Variants in CDK2AP1 observed in about 807,000 individuals in gnomAD.
CDK2AP1 encodes the protein cyclin dependent kinase 2 associated protein 1.
Under a neutral mutation model 14.1 loss-of-function variants are expected in CDK2AP1, and 10 were observed. That is an observed-to-expected ratio of 0.71 (90% CI 0.44 to 1.20). The LOEUF is 1.20. CDK2AP1 is among the 50% of genes most tolerant of loss of function. The probability of loss-of-function intolerance (pLI) is 0.00; values close to 1 mark genes in which losing one functional copy is unlikely to be tolerated. For synonymous variants in CDK2AP1, 59 were observed against 59.8 expected (o/e 0.99, Z 0.06); for missense variants, 102 against 149.9 (o/e 0.68, Z 1.67).
chr12:123,270,748 GGCTTCTGCATCGAGGGCCTTCCA>G, intron 1 of CDK2AP1: 1 of 807,684 alleles, frequency 1.2e-6, no homozygotes, highest in Middle Eastern at 6.2e-4. Context: ...AGCCCCTCCC[GGCTTCTGCATCGAGGGCCTTCCA>G]GGGCCAGCCC....
intron 3 of CDK2AP1, 160 bp from the exon 4 acceptor site, chr12:123,261,963 C>T (rs4759417): frequency 0.73 from 422,244 of 574,530 alleles, 163,604 homozygotes; most frequent in East Asian, 1. Context: ...CCCTGAAGGA[C>T]GCTAACAATC....
chr12:123,271,663 G>C lies in CDK2AP1; in HGVS notation c.-45C>G. 1.2e-6 allele frequency: 1 copy of C among 861,640 alleles called. No homozygotes were observed. The highest frequency in any genetic ancestry group is 1.8e-5 in the African/African-American group (1 of 54,240). 53.4% of individuals were successfully genotyped at this position (861,640 alleles called of 1,614,324 possible). The stretch of plus-strand genomic sequence containing the variant: ...GCCGGGCGCGGCGGGGCCAGGCCGC[G>C]AGGGCGGCGGCGGCGGCGGCGAGGC... On this transcript the variant is annotated 5_prime_UTR_variant, in exon 1 of 4. Transcript: ENST00000261692.
chr12:123,262,525 C>T (rs2048244234), intron 3 of CDK2AP1: 1 of 152,218 alleles, frequency 6.6e-6, no homozygotes, highest in African/African-American at 2.4e-5. Flanking sequence ...CTGTGAGGAC[C>T]AGACAGCAAA....
At chr12:123,266,668 G>T (rs547337699) in intron 2 of CDK2AP1, among the ~76,000 whole-genome samples, 1 of 152,202 alleles carries the variant, frequency 6.6e-6, no homozygotes, top group Non-Finnish European at 1.5e-5. Context: ...GTTACCAAGT[G>T]GGGGGTCACA....
rs1234438010 is a variant in CDK2AP1 at position 123,265,793 on chromosome 12, A to C, written c.154-471T>G. ...AGGGGAAACAGCTCATTTTGGCACA[A>C]AAGAGTCCAAACAGCATTTCCCAGG... On this transcript the variant is annotated intron_variant, in intron 2 of 3. Transcript: ENST00000261692. This position sits in a 1 kb window ranked among gnomAD's most constrained non-coding sequence, Gnocchi z 5.3. Among the ~76,000 whole-genome samples the C allele has an allele frequency of 6.6e-6, 1 of 152,196 alleles. No homozygotes were observed. The highest frequency in any genetic ancestry group is 1.5e-5 in the Non-Finnish European group (1 of 68,022).
Position 123,267,171 on chromosome 12 carries a change from C to A in CDK2AP1, c.153+14G>T. 9.5e-6 allele frequency: 14 copies of A among 1,467,700 alleles called. No homozygotes were observed. Among genetic ancestry groups the A allele is most frequent in the Non-Finnish European group, 1.3e-5 (14 of 1,046,580 alleles). 90.9% of individuals were successfully genotyped at this position (1,467,700 alleles called of 1,614,324 possible). Reference sequence around the variant, plus strand: ...CCTGGCCCTCCCACCATGCCATCACCCCCATTGACATACCTGGGTGTAGCC... The same window carrying A: ...CCTGGCCCTCCCACCATGCCATCACACCCATTGACATACCTGGGTGTAGCC... On this transcript the variant is annotated intron_variant, in intron 2 of 3. Coordinates refer to ENST00000261692, the MANE Select transcript of CDK2AP1 (RefSeq NM_004642.4).
At chr12:123,267,073 T>G (rs1227892454) in intron 2 of CDK2AP1, 112 bp downstream of exon 2, 2 of 746,242 alleles carry the variant, frequency 2.7e-6, no homozygotes, top group East Asian at 5.1e-5. Context: ...CTGAGAAAGC[T>G]CCGTCCCATC....
At chr12:123,270,923 C>G (rs1463714739) in intron 1 of CDK2AP1, 6 of 985,188 alleles carry the variant, frequency 6.1e-6, no homozygotes, top group Non-Finnish European at 7.2e-6. Flanking sequence ...TGGGGTAGCC[C>G]CTGCTCCCAC....
intron 3 of CDK2AP1, among the ~76,000 whole-genome samples, chr12:123,264,976 C>T (rs2048274737): frequency 6.6e-6 from 1 of 152,100 alleles, no homozygotes; most frequent in Admixed American, 6.5e-5. Context: ...CTGCCCTTCC[C>T]AGAAGACCCC....
chr12:123,268,326 G>A (rs190025159), intron 1 of CDK2AP1: 115 of 709,792 alleles, frequency 1.6e-4, no homozygotes, highest in Non-Finnish European at 1.9e-4. Flanking sequence ...GTGAGGGGAG[G>A]GGCAGAGGAG....
chr12:123,271,441 G>A (rs1238991527), intron 1 of CDK2AP1, 123 bp downstream of exon 1: 2 of 351,158 alleles, frequency 5.7e-6, no homozygotes, highest in Non-Finnish European at 7.9e-6. Context: ...GCTGCCCCGG[G>A]CCGGGACCCT....
chr12:123,262,865 T>A (rs1399792910), intron 3 of CDK2AP1, among the ~76,000 whole-genome samples: 1 of 152,024 alleles, frequency 6.6e-6, no homozygotes, highest in African/African-American at 2.4e-5. Flanking sequence ...TATGAACACT[T>A]AAGTCTGAAT....
At chr12:123,267,111 A>G in intron 2 of CDK2AP1, 74 bp downstream of exon 2, 1 of 926,232 alleles carries the variant, frequency 1.1e-6, no homozygotes, top group Non-Finnish European at 1.8e-6. Flanking sequence ...TCTTCCACCA[A>G]CTTCTCTCCT....
At chr12:123,270,960 C>G in intron 1 of CDK2AP1, 1 of 984,930 alleles carries the variant, frequency 1.0e-6, no homozygotes, top group Non-Finnish European at 1.2e-6. Context: ...CCCGGGCCTC[C>G]GAGTACGCTG....
intron 3 of CDK2AP1, among the ~76,000 whole-genome samples, chr12:123,264,462 C>CAAAAAAAAAAA (rs1167157405): frequency 0.017 from 1,160 of 69,760 alleles, 34 homozygotes; most frequent in Non-Finnish European, 0.02. Flanking sequence ...CTCCGTCTCC[C>CAAAAAAAAAAA]AAAAAAAAAA....
chr12:123,265,181 C>T lies in CDK2AP1; in HGVS notation c.280+15G>A, dbSNP rs377195582. ...AGCACTGTGGTCACCGACAGGGCAG[C>T]GGGGCCGGGCTTACCGCGCTTCAGC... On this transcript the variant is annotated intron_variant, in intron 3 of 3. Coordinates refer to ENST00000261692, the MANE Select transcript of CDK2AP1 (RefSeq NM_004642.4). This position sits in a 1 kb window ranked among gnomAD's most constrained non-coding sequence, Gnocchi z 5.3. 88 of 1,613,688 alleles carry T rather than the reference C, an allele frequency of 5.5e-5. No individual in the cohort carries two copies. The highest frequency in any genetic ancestry group is 7.1e-5 in the Non-Finnish European group (84 of 1,179,794).
chr12:123,264,455 C>A (rs1457960997), intron 3 of CDK2AP1, among the ~76,000 whole-genome samples: 2 of 63,432 alleles, frequency 3.2e-5, no homozygotes, highest in Non-Finnish European at 6.1e-5. Context: ...AGTAAAACTC[C>A]GTCTCCCAAA....
intron 3 of CDK2AP1, 93 bp from the exon 4 acceptor site, chr12:123,261,896 G>T (rs987507628): frequency 2.3e-6 from 2 of 867,368 alleles, no homozygotes; most frequent in Non-Finnish European, 2.0e-6. Context: ...TCCTTCCACA[G>T]CCTGTCCACA....
At chr12:123,271,921 C>G (rs1404333928), upstream of CDK2AP1, 1 of 146,378 alleles carries the variant, frequency 6.8e-6, no homozygotes, top group African/African-American at 2.4e-5. Flanking sequence ...GCGGCTCCGC[C>G]TGCGGCCGCG....
Sources: gnomAD v4.1 joint callset for allele counts (sites outside exome capture counted in the v4.1 genomes callset) on GRCh38, gnomAD v4.1.1 for gene constraint, Gnocchi (gnomAD v3.1) non-coding constraint, MANE v1.5 for transcripts, NCBI Gene and HGNC (gene_info 2026-07-23, HGNC 2026-07-21) for gene names.